Variants in LYPLAL1 observed in about 807,000 individuals in gnomAD.
The protein encoded by LYPLAL1 is lysophospholipase-like protein 1.
A neutral mutation model predicts 19.7 loss-of-function variants in LYPLAL1; 23 were observed. That is an observed-to-expected ratio of 1.17 (90% CI 0.84 to 1.65). LYPLAL1 has a LOEUF of 1.65. Ranked by LOEUF, LYPLAL1 falls within the 40% of genes most tolerant of loss-of-function variation. The pLI, the probability that LYPLAL1 is intolerant of heterozygous loss-of-function variation, is 0.00. For synonymous variants in LYPLAL1, 119 were observed against 96.3 expected (o/e 1.24, Z -1.38); for missense variants, 355 against 279.4 (o/e 1.27, Z -1.93).
the LYPLAL1 span, among the ~76,000 whole-genome samples, chr1:219,293,030 A>G: frequency 1.3e-5 from 2 of 152,220 alleles, no homozygotes; most frequent in African/African-American, 2.4e-5. Context: ...GTGGCCTCCA[A>G]ATAATTTTCA....
chr1:219,427,227 A>G, the LYPLAL1 span, among the ~76,000 whole-genome samples: 2 of 152,220 alleles, frequency 1.3e-5, no homozygotes, highest in Non-Finnish European at 2.9e-5. Context: ...TCCATTTATT[A>G]AAGTGTAAAA....
the LYPLAL1 span, among the ~76,000 whole-genome samples, chr1:219,385,058 G>T: frequency 6.6e-6 from 1 of 152,094 alleles, no homozygotes; most frequent in African/African-American, 2.4e-5. Context: ...TGCAGGTGGT[G>T]GTGGGGGAGG....
intron 2 of LYPLAL1, among the ~76,000 whole-genome samples, chr1:219,183,752 G>T (rs1354436033): frequency 1.3e-5 from 2 of 151,806 alleles, no homozygotes; most frequent in Non-Finnish European, 1.5e-5. Flanking sequence ...ATCTATATGT[G>T]TGTATCAATA....
chr1:219,309,705 G>C, the LYPLAL1 span, among the ~76,000 whole-genome samples: 1 of 152,120 alleles, frequency 6.6e-6, no homozygotes, highest in Admixed American at 6.5e-5. Context: ...TTTGCCTTCT[G>C]CCATGATTCT....
At chr1:219,243,098 A>G in the LYPLAL1 span, among the ~76,000 whole-genome samples, 1 of 152,198 alleles carries the variant, frequency 6.6e-6, no homozygotes, top group Non-Finnish European at 1.5e-5. Flanking sequence ...CTCCCCAAAC[A>G]TGTGTCTCTA....
chr1:219,213,294 C>T (rs1016463792), downstream of LYPLAL1, among the ~76,000 whole-genome samples: 2 of 151,940 alleles, frequency 1.3e-5, no homozygotes, highest in African/African-American at 4.8e-5. Flanking sequence ...ATCCATCCTT[C>T]AACCAGCATC....
the LYPLAL1 span, among the ~76,000 whole-genome samples, chr1:219,387,837 G>A: frequency 6.6e-6 from 1 of 152,136 alleles, no homozygotes; most frequent in Non-Finnish European, 1.5e-5. Context: ...AAATTTATGA[G>A]TGGAAACAGA....
the LYPLAL1 span, among the ~76,000 whole-genome samples, chr1:219,320,460 C>T: frequency 6.6e-6 from 1 of 152,130 alleles, no homozygotes; most frequent in Non-Finnish European, 1.5e-5. Context: ...TATTATTATA[C>T]TTTAAGTTCT....
chr1:219,430,850 A>C, the LYPLAL1 span, among the ~76,000 whole-genome samples: 1 of 152,016 alleles, frequency 6.6e-6, no homozygotes. Flanking sequence ...ATTTTTATTA[A>C]TTTATTGGTA....
the LYPLAL1 span, among the ~76,000 whole-genome samples, chr1:219,421,124 C>T: frequency 0.044 from 6,698 of 152,188 alleles, 484 homozygotes; most frequent in African/African-American, 0.15. Context: ...CCCAGTATGA[C>T]CTGAAATATT....
At chr1:219,250,018 T>C in the LYPLAL1 span, among the ~76,000 whole-genome samples, 3 of 152,004 alleles carry the variant, frequency 2.0e-5, no homozygotes, top group Admixed American at 1.3e-4. Context: ...AAACTACTAA[T>C]GTTAATTTAA....
At chr1:219,282,332 A>AG in the LYPLAL1 span, among the ~76,000 whole-genome samples, 2 of 152,134 alleles carry the variant, frequency 1.3e-5, no homozygotes, top group African/African-American at 4.8e-5. Context: ...GAAAAAGATA[A>AG]GAAAAAATAT....
intron 3 of LYPLAL1, among the ~76,000 whole-genome samples, chr1:219,198,366 A>G (rs1558235761): frequency 2.0e-5 from 3 of 152,064 alleles, no homozygotes; most frequent in Admixed American, 6.5e-5. Flanking sequence ...TATGCTATAT[A>G]TAATCCAGTT....
At chr1:219,301,550 A>G in the LYPLAL1 span, among the ~76,000 whole-genome samples, 2 of 152,236 alleles carry the variant, frequency 1.3e-5, no homozygotes, top group Non-Finnish European at 2.9e-5. Flanking sequence ...AAAAAAATCC[A>G]AAGTAATTTT....
At chr1:219,418,971 T>C in the LYPLAL1 span, among the ~76,000 whole-genome samples, 1 of 152,270 alleles carries the variant, frequency 6.6e-6, no homozygotes, top group Non-Finnish European at 1.5e-5. Context: ...TTCTTTTTTC[T>C]TGGCTTGATA....
intron 3 of LYPLAL1, among the ~76,000 whole-genome samples, chr1:219,201,464 T>C (rs550303607): frequency 1.3e-5 from 2 of 152,088 alleles, no homozygotes; most frequent in African/African-American, 4.8e-5. Flanking sequence ...GCACCAGTTA[T>C]ATGGTCAGTA....
intron 2 of LYPLAL1, among the ~76,000 whole-genome samples, chr1:219,189,177 T>C (rs1386815230): frequency 6.6e-6 from 1 of 151,692 alleles, no homozygotes; most frequent in Non-Finnish European, 1.5e-5. Context: ...CATTAATGGC[T>C]GAGTTCCCAG....
the LYPLAL1 span, among the ~76,000 whole-genome samples, chr1:219,418,870 T>C: frequency 6.6e-6 from 1 of 152,268 alleles, no homozygotes; most frequent in African/African-American, 2.4e-5. Context: ...AGTTTGCCTT[T>C]GCTAGAATGT....
the LYPLAL1 span, among the ~76,000 whole-genome samples, chr1:219,246,205 C>G: frequency 5.3e-5 from 8 of 152,132 alleles, no homozygotes; most frequent in East Asian, 1.6e-3. Context: ...CCGTATTTCT[C>G]AACTGAGTAG....
Sources: gnomAD v4.1 joint callset for allele counts (sites outside exome capture counted in the v4.1 genomes callset) on GRCh38, gnomAD v4.1.1 for gene constraint, MANE v1.5 for transcripts, NCBI Gene and HGNC (gene_info 2026-07-23, HGNC 2026-07-21) for gene names.